Variants in MON2 observed in about 807,000 individuals in gnomAD.
MON2 encodes the protein protein MON2 homolog.
MON2 carries 84 observed loss-of-function variants against 208.6 expected under a neutral mutation model. The observed-to-expected ratio is 0.40, with a 90% CI of 0.34 to 0.48. The LOEUF (loss-of-function observed/expected upper bound fraction) is 0.48. Ranked by LOEUF, MON2 falls within the 20% of genes least tolerant of loss-of-function variation. The pLI, the probability that MON2 is intolerant of heterozygous loss-of-function variation, is 0.59. For missense variants in MON2, 1,611 were observed against 2,015.4 expected (o/e 0.80, Z 3.84); for synonymous variants, 660 against 694.0 (o/e 0.95, Z 0.77).
chr12:62,566,999 A>G (rs750747650), intron 29 of MON2, among the ~76,000 whole-genome samples: 1 of 152,230 alleles, frequency 6.6e-6, no homozygotes, highest in Non-Finnish European at 1.5e-5. Flanking sequence ...GAAATTCACA[A>G]TGCAGCCCAT....
rs555661146 is a variant in MON2, at chr12:62,530,253, C to T, written c.1401-2185C>T. Among the ~76,000 whole-genome samples, 315 of 134,850 alleles carry T rather than the reference C, an allele frequency of 2.3e-3. 2 individuals are homozygous for T. Among genetic ancestry groups the T allele is most frequent in the African/African-American group, 7.7e-3 (273 of 35,520 alleles). The allele number at this position is 134,850 out of a possible 152,430, so 88.5% of individuals were successfully genotyped here. A position where few individuals can be genotyped will look rare whatever the true frequency, so the allele number is the denominator to read the frequency against. On this transcript the variant is annotated intron_variant, in intron 11 of 34. Coordinates refer to ENST00000393630, the MANE Select transcript of MON2 (RefSeq NM_015026.3). The stretch of plus-strand genomic sequence containing the variant: ...TTTTTTTTTTTTTTTTTTTTTGAGA[C>T]GGAGTCTCGCTCTGTCACCCAGGCT...
At position 62,560,886 on chromosome 12, in the gene MON2, A is replaced by C; in HGVS notation, c.3805A>C (p.Ser1269Arg). The change falls in exon 26 of 35, where the codon AGC becomes CGC. Residue 1269 changes from serine to arginine, a missense_variant. Physicochemically the swap from Ser to Arg is moderately radical, Grantham distance 110 (BLOSUM62 -1). Coordinates refer to ENST00000393630, the MANE Select transcript of MON2 (RefSeq NM_015026.3). ...ITFDKLTFIP[S>R]QPFLTALIQI... is the part of the protein sequence containing the mutation. Reference sequence around the variant, plus strand: ...TTTTGATAAACTAACTTTTATTCCTAGCCAGCCTTTTCTTACAGCTTTAAT... The same window carrying C: ...TTTTGATAAACTAACTTTTATTCCTCGCCAGCCTTTTCTTACAGCTTTAAT... 2 of 1,614,078 alleles carry C rather than the reference A, an allele frequency of 1.2e-6. No individual in the cohort carries two copies. Among genetic ancestry groups the C allele is most frequent in the South Asian group, 1.1e-5 (1 of 91,082 alleles).
intron 4 of MON2, among the ~76,000 whole-genome samples, chr12:62,495,685 G>A (rs1352894744): frequency 6.9e-5 from 6 of 86,736 alleles, no homozygotes; most frequent in East Asian, 3.4e-4. Flanking sequence ...GTGAGACTCC[G>A]TCTCAAAAAA....
intron 7 of MON2, among the ~76,000 whole-genome samples, chr12:62,506,086 T>C (rs768237985): frequency 2.0e-5 from 3 of 152,122 alleles, no homozygotes; most frequent in South Asian, 2.1e-4. Context: ...AAACAGTGAA[T>C]TGGTAAAACT....
At position 62,538,158 on chromosome 12, in the gene MON2, T is replaced by C. The variant is rs1170566646; in HGVS notation, c.2181T>C (p.Ala727=). Residue 727 remains alanine, a synonymous_variant, in exon 17 of 35, where the codon GCT becomes GCC. Coordinates refer to ENST00000393630, the MANE Select transcript of MON2 (RefSeq NM_015026.3). ...GCGGTGCCTTGAAACCTGGGAGAGC[T>C]GTAGAAGGACCCAGTACAGTAAGCT... ...SSGGALKPGR[A]VEGPSTVLTT... The C allele has an allele frequency of 1.9e-6, 3 of 1,613,764 alleles. No homozygotes were observed. Among genetic ancestry groups the C allele is most frequent in the African/African-American group, 2.7e-5 (2 of 74,904 alleles).
chr12:62,585,112 AAACAAAAAAAAAC>A (rs1209947274), intron 32 of MON2, among the ~76,000 whole-genome samples, 169 bp from the exon 33 acceptor site: 2 of 58,400 alleles, frequency 3.4e-5, no homozygotes, highest in Admixed American at 1.5e-4. Flanking sequence ...CACACACACA[AAACAAAAAAAAAC>A]AAAAAAAAAA....
chr12:62,548,199 A>G (rs2073579225), intron 22 of MON2, among the ~76,000 whole-genome samples: 1 of 152,172 alleles, frequency 6.6e-6, no homozygotes, highest in African/African-American at 2.4e-5. Context: ...GAAGGTAGGA[A>G]ATGAGAATGG....
At chr12:62,561,139 A>G (rs955477696) in intron 26 of MON2, 26 bp downstream of exon 26, 1 of 1,544,714 alleles carries the variant, frequency 6.5e-7, no homozygotes, top group Admixed American at 2.1e-5. Context: ...TGGCTAAGTA[A>G]TACTGCATAT....
chr12:62,558,938 T>C (rs1274353523), intron 25 of MON2, among the ~76,000 whole-genome samples: 1 of 152,152 alleles, frequency 6.6e-6, no homozygotes, highest in Non-Finnish European at 1.5e-5. Flanking sequence ...CCTCTGGTGA[T>C]CCACCCGCCT....
intron 8 of MON2, among the ~76,000 whole-genome samples, chr12:62,518,563 G>A (rs2071824051): frequency 6.6e-6 from 1 of 151,982 alleles, no homozygotes; most frequent in African/African-American, 2.4e-5. Context: ...GGCTGACAGT[G>A]CCAAGTTTCT....
intron 19 of MON2, among the ~76,000 whole-genome samples, chr12:62,541,410 C>T (rs1592344999): frequency 6.7e-6 from 1 of 150,034 alleles, no homozygotes. Flanking sequence ...CTTGCAAATT[C>T]TTTCTTAGAA....
chr12:62,585,494 C>G lies in MON2; in HGVS notation c.4900C>G (p.Leu1634Val). Residue 1634 changes from leucine (L) to valine (V), a missense_variant, in exon 33 of 35, where the codon CTT becomes GTT. Physicochemically the swap from Leu to Val is conservative, Grantham distance 32 (BLOSUM62 1). Coordinates refer to ENST00000393630, the MANE Select transcript of MON2 (RefSeq NM_015026.3). ...EDERLSGKCP[L>V]PRQQVTEIIF... ...TGAAAGATTAAGTGGTAAATGCCCTCTTCCAAGGTATATATTTCATTTTAT... is the reference window on the plus strand; with the variant it reads ...TGAAAGATTAAGTGGTAAATGCCCTGTTCCAAGGTATATATTTCATTTTAT... 6.3e-7 allele frequency: 1 copy of G among 1,591,064 alleles called. No individual in the cohort carries two copies. Among genetic ancestry groups the G allele is most frequent in the Non-Finnish European group, 8.6e-7 (1 of 1,161,916 alleles).
In MON2 at chr12:62,546,882, T is replaced by C; in HGVS notation, c.2578-15T>C. The stretch of plus-strand genomic sequence containing the variant: ...TGGACTTCTCTTCCTAATTAGTTTC[T>C]TGCCCCCTTTTCAGAGGCTGCAGTT... On this transcript the variant is annotated splice_polypyrimidine_tract_variant and intron_variant, in intron 21 of 34. Transcript: ENST00000393630. 1.3e-6 allele frequency: 2 copies of C among 1,576,328 alleles called. No individual in the cohort carries two copies. The highest frequency in any genetic ancestry group is 1.7e-6 in the Non-Finnish European group (2 of 1,159,892).
At chr12:62,565,113 A>T (rs937721978) in intron 26 of MON2, 124 bp from the exon 27 acceptor site, 23 of 921,742 alleles carry the variant, frequency 2.5e-5, no homozygotes, top group Non-Finnish European at 3.5e-5. Flanking sequence ...GGGCTCAGAA[A>T]AGATGGTATA....
Position 62,557,282 on chromosome 12 carries a change from T to A in MON2, c.3409+1090T>A, listed in dbSNP as rs569921802. 9.2e-5 allele frequency among the ~76,000 whole-genome samples: 14 copies of A among 152,342 alleles called. 1 individual carries two copies. In the South Asian group the frequency reaches 2.9e-3, roughly 32 times the overall value. On this transcript the variant is annotated intron_variant, in intron 25 of 34. Transcript: ENST00000393630. ...ACTGGTTAGGAAGCTGTTGGTTGTG[T>A]ATATCAGTGGTTCTCAAACAGGGCC... is the stretch of plus-strand genomic sequence containing the variant.
At chr12:62,494,720 AATCT>A (rs2070376164) in intron 3 of MON2, among the ~76,000 whole-genome samples, 1 of 152,248 alleles carries the variant, frequency 6.6e-6, no homozygotes, top group Non-Finnish European at 1.5e-5. Context: ...GTCCAAATAC[AATCT>A]ATCAACATTA....
At chr12:62,537,322 T>C in intron 15 of MON2, 59 bp downstream of exon 15, 1 of 1,220,668 alleles carries the variant, frequency 8.2e-7, no homozygotes, top group Non-Finnish European at 1.2e-6. Context: ...TTGTTGTACC[T>C]ATCTTTGTGT....
intron 25 of MON2, among the ~76,000 whole-genome samples, chr12:62,557,619 G>A (rs745562419): frequency 2.4e-4 from 36 of 151,880 alleles, no homozygotes; most frequent in Non-Finnish European, 4.1e-4. Flanking sequence ...TTATTATTTC[G>A]TGTTTGGCAT....
rs1005325096 is a variant in MON2, at chr12:62,467,142, C to G, written c.-66C>G. ...CACCGGGAGGGAGCTGCCTGTGGCCCTAAGGAGCTGACCGTGCCAGAGCTT... is the reference window on the plus strand; with the variant it reads ...CACCGGGAGGGAGCTGCCTGTGGCCGTAAGGAGCTGACCGTGCCAGAGCTT... On this transcript the variant is annotated 5_prime_UTR_variant, in exon 1 of 35. Transcript: ENST00000393630. 2.4e-5 allele frequency: 33 copies of G among 1,381,634 alleles called. No individual in the cohort carries two copies. The highest frequency in any genetic ancestry group is 3.0e-5 in the Non-Finnish European group (30 of 986,892). 85.6% of individuals were successfully genotyped at this position (1,381,634 alleles called of 1,614,324 possible). A position where few individuals can be genotyped will look rare whatever the true frequency, so the allele number is the denominator to read the frequency against.
Sources: gnomAD v4.1 joint callset for allele counts (sites outside exome capture counted in the v4.1 genomes callset) on GRCh38, gnomAD v4.1.1 for gene constraint, MANE v1.5 for transcripts, NCBI Gene and HGNC (gene_info 2026-07-23, HGNC 2026-07-21) for gene names.